CD200R1: variants seen among roughly 807,000 people sequenced by gnomAD.
The protein encoded by CD200R1 is cell surface glycoprotein CD200 receptor 1.
In CD200R1, 30 loss-of-function variants were observed where a neutral mutation model predicts 38.1. That is an observed-to-expected ratio of 0.79 (90% CI 0.59 to 1.07). The LOEUF is 1.07. CD200R1 is among the 50% of genes least tolerant of loss of function. CD200R1 has a pLI of 0.00. For synonymous variants in CD200R1, 128 were observed against 152.1 expected, an observed-to-expected ratio of 0.84 and a Z score of 1.16; for missense variants, 372 against 415.4, an observed-to-expected ratio of 0.90 and a Z score of 0.91.
intron 1 of CD200R1, among the ~76,000 whole-genome samples, chr3:112,954,193 T>G (rs1941034595): frequency 6.6e-6 from 1 of 152,186 alleles, no homozygotes; most frequent in Non-Finnish European, 1.5e-5. Context: ...AATTGGTTGT[T>G]CAGGAGTATG....
intron 1 of CD200R1, among the ~76,000 whole-genome samples, chr3:112,972,916 T>C (rs145309998): frequency 6.6e-6 from 1 of 152,352 alleles, no homozygotes; most frequent in East Asian, 1.9e-4. Context: ...CTTCTCATTA[T>C]TCTAAATCAT....
intron 1 of CD200R1, among the ~76,000 whole-genome samples, chr3:112,969,998 C>A (rs1036187241): frequency 6.6e-6 from 1 of 151,902 alleles, no homozygotes; most frequent in Non-Finnish European, 1.5e-5. Flanking sequence ...ATGGGAAAAC[C>A]CTGTCTCTAC....
chr3:112,923,981 T>A (rs1940227285), intron 7 of CD200R1, among the ~76,000 whole-genome samples, 182 bp from the exon 8 acceptor site: 1 of 151,954 alleles, frequency 6.6e-6, no homozygotes, highest in African/African-American at 2.4e-5. Flanking sequence ...TCAAAAAGTA[T>A]TTGTTAACTA....
At chr3:112,930,513 C>T (rs558346578) in intron 3 of CD200R1, among the ~76,000 whole-genome samples, 4 of 152,338 alleles carry the variant, frequency 2.6e-5, no homozygotes, top group Admixed American at 1.3e-4. Context: ...CATCTTCCAA[C>T]GTAGAACCTC....
chr3:112,946,695 A>G (rs1461296453), intron 2 of CD200R1, among the ~76,000 whole-genome samples: 2 of 152,222 alleles, frequency 1.3e-5, no homozygotes, highest in Non-Finnish European at 2.9e-5. Context: ...AGGAATGCAA[A>G]GTGGTACATC....
At chr3:112,952,699 G>C (rs1213035765) in intron 1 of CD200R1, among the ~76,000 whole-genome samples, 1 of 152,094 alleles carries the variant, frequency 6.6e-6, no homozygotes, top group East Asian at 1.9e-4. Flanking sequence ...TGACGAGTTA[G>C]TGGGTGCAGC....
chr3:112,931,142 G>C lies in CD200R1; in HGVS notation c.166C>G (p.Gln56Glu), dbSNP rs1349285217. Residue 56 changes from glutamine (Q) to glutamate (E), a missense_variant, in exon 3 of 8, where the codon CAG becomes GAG. By Grantham distance (29) the Gln-to-Glu change is conservative. Transcript: ENST00000308611. Reference protein sequence around the residue: ...ASSSLCMDEKQITQNYSKVLA... With the variant: ...ASSSLCMDEKEITQNYSKVLA... ...ACTTTCGAGTAGTTCTGTGTAATCT[G>C]TTTTTCATCCATACATAAACTGCTT... 3 of 1,610,020 alleles carry C rather than the reference G, an allele frequency of 1.9e-6. No individual in the cohort carries two copies. In the Admixed American group the frequency reaches 5.0e-5, roughly 27 times the overall value.
At chr3:112,972,809 T>C (rs1933343325) in intron 1 of CD200R1, among the ~76,000 whole-genome samples, 1 of 152,208 alleles carries the variant, frequency 6.6e-6, no homozygotes, top group Non-Finnish European at 1.5e-5. Flanking sequence ...CTTTGTGAAT[T>C]TACCTTGTAC....
intron 2 of CD200R1, among the ~76,000 whole-genome samples, chr3:112,932,936 C>A (rs887894988): frequency 5.3e-5 from 8 of 151,956 alleles, no homozygotes; most frequent in Admixed American, 4.6e-4. Flanking sequence ...GAAACTCAGC[C>A]AGGCCAGCTG....
chr3:112,942,873 C>T (rs1387100861), intron 2 of CD200R1, among the ~76,000 whole-genome samples: 1 of 151,538 alleles, frequency 6.6e-6, no homozygotes, highest in Non-Finnish European at 1.5e-5. Flanking sequence ...AAAGTTATTA[C>T]ATAATGATGT....
At position 112,921,918 on chromosome 3, in the gene CD200R1, A is replaced by G. The variant is rs1940178292; in HGVS notation, c.*1759T>C. 1 of 152,076 alleles carries G rather than the reference A, an allele frequency of 6.6e-6. No homozygotes were observed. The highest frequency in any genetic ancestry group is 2.4e-5 in the African/African-American group (1 of 41,422). 9.4% of individuals were successfully genotyped at this position (152,076 alleles called of 1,614,324 possible). ...GTAATATTTAAACAGATAGTCTTGA[A>G]CCTAACTATGAGCCTCAGCTCAACC... On this transcript the variant is annotated 3_prime_UTR_variant, in exon 8 of 8. Coordinates refer to ENST00000308611, the MANE Select transcript of CD200R1 (RefSeq NM_138806.4).
intron 1 of CD200R1, among the ~76,000 whole-genome samples, chr3:112,971,636 A>C (rs1183809053): frequency 6.6e-6 from 1 of 152,104 alleles, no homozygotes; most frequent in Non-Finnish European, 1.5e-5. Flanking sequence ...TTCTCCAAAA[A>C]ATCCTACTTA....
intron 2 of CD200R1, among the ~76,000 whole-genome samples, chr3:112,946,591 T>C (rs1037433252): frequency 2.6e-5 from 4 of 152,150 alleles, no homozygotes; most frequent in African/African-American, 9.7e-5. Context: ...ATGCTCTACA[T>C]CATATGTCAT....
At chr3:112,950,965 T>C (rs571543275) in intron 1 of CD200R1, among the ~76,000 whole-genome samples, 9 of 152,122 alleles carry the variant, frequency 5.9e-5, no homozygotes, top group African/African-American at 2.2e-4. Flanking sequence ...GGAAGAAATG[T>C]GTAAAATTCA....
intron 2 of CD200R1, among the ~76,000 whole-genome samples, chr3:112,938,763 C>T (rs985239214): frequency 2.0e-5 from 3 of 151,930 alleles, no homozygotes; most frequent in Admixed American, 1.3e-4. Flanking sequence ...TGAATGTCAT[C>T]GAATGTCAAA....
chr3:112,951,990 T>A (rs535833227), intron 1 of CD200R1, among the ~76,000 whole-genome samples: 4 of 151,430 alleles, frequency 2.6e-5, no homozygotes, highest in African/African-American at 7.3e-5. Context: ...AATTCTAAAA[T>A]TTATATATGA....
Position 112,975,058 on chromosome 3 carries a change from C to A in CD200R1, c.-201G>T. The A allele has an allele frequency of 1.8e-6, 1 of 557,212 alleles. No individual in the cohort carries two copies. 34.5% of individuals were successfully genotyped at this position (557,212 alleles called of 1,614,324 possible). On this transcript the variant is annotated 5_prime_UTR_variant, in exon 1 of 8. Coordinates refer to ENST00000308611, the MANE Select transcript of CD200R1 (RefSeq NM_138806.4). The stretch of plus-strand genomic sequence containing the variant: ...TAGCCTGGTTAGTAACTTGGACGAA[C>A]AGAAGCTTTTCTCTGGAACTTGACA...
In CD200R1 at chr3:112,929,001, C is replaced by G; in HGVS notation, c.584G>C (p.Gly195Ala). Reference sequence around the variant, plus strand: ...CCAGGAGATATGCGCAGCTGGCTTCCCTGCAACTGCCTTGCATACTGCAGT... The same window carrying G: ...CCAGGAGATATGCGCAGCTGGCTTCGCTGCAACTGCCTTGCATACTGCAGT... ...NRTAVCKAVA[G>A]KPAAHISWIP... is the part of the protein sequence containing the mutation. The change falls in exon 5 of 8, where the codon GGG (glycine) becomes GCG (alanine). Residue 195 changes from glycine to alanine, a missense_variant. Coordinates refer to ENST00000308611, the MANE Select transcript of CD200R1 (RefSeq NM_138806.4). 1.2e-6 allele frequency: 2 copies of G among 1,613,962 alleles called. No homozygotes were observed. Among genetic ancestry groups the G allele is most frequent in the African/African-American group, 1.3e-5 (1 of 75,042 alleles).
chr3:112,970,491 T>C (rs1490899935), intron 1 of CD200R1, among the ~76,000 whole-genome samples: 1 of 152,186 alleles, frequency 6.6e-6, no homozygotes, highest in African/African-American at 2.4e-5. Flanking sequence ...AGTCCAAAGG[T>C]ATTTTATAAC....
Sources: allele counts gnomAD v4.1 joint callset (sites outside exome capture counted in the v4.1 genomes callset), GRCh38; gene constraint gnomAD v4.1.1; transcripts MANE v1.5; gene names NCBI Gene and HGNC (gene_info 2026-07-23, HGNC 2026-07-21).